The following KCNIP3 variants were observed in gnomAD, a reference collection of about 807,000 sequenced individuals.
The protein encoded by KCNIP3 is potassium voltage-gated channel interacting protein 3.
KCNIP3 carries 28 observed loss-of-function variants against 35.0 expected under a neutral mutation model. The ratio of observed to expected loss-of-function variants is 0.80; its 90% CI spans 0.59 to 1.10. The LOEUF (loss-of-function observed/expected upper bound fraction) is 1.10. KCNIP3 is among the 50% of genes least tolerant of loss of function. The pLI is 0.00. For synonymous variants in KCNIP3, 134 were observed against 133.8 expected (o/e 1.00, Z -0.01); for missense variants, 295 against 338.4 (o/e 0.87, Z 1.01).
In KCNIP3 at chr2:95,383,239, A is replaced by C. The variant is rs1205562718; in HGVS notation, c.668A>C (p.Asp223Ala). The change falls in exon 8 of 9, where the codon GAC becomes GCC. Residue 223 changes from aspartate (D) to alanine (A), a missense_variant. Asp to Ala is a moderately radical substitution (Grantham distance 126, BLOSUM62 -2). Coordinates refer to ENST00000295225, the MANE Select transcript of KCNIP3 (RefSeq NM_013434.5). ...GCATGGCTTGGGTTGCAGAAAATGG[A>C]CCGGAACCAGGATGGGGTAGTGACC... The part of the protein sequence containing the change: ...EHVERFFEKM[D>A]RNQDGVVTIE... 1 of 1,612,510 alleles carries C rather than the reference A, an allele frequency of 6.2e-7. No homozygotes were observed. Among genetic ancestry groups the C allele is most frequent in the Admixed American group, 1.7e-5 (1 of 59,896 alleles).
chr2:95,352,233 A>T (rs563154207), intron 2 of KCNIP3, among the ~76,000 whole-genome samples: 1 of 152,180 alleles, frequency 6.6e-6, no homozygotes, highest in Non-Finnish European at 1.5e-5. Context: ...CAGCCTGGGC[A>T]ACAGAGCAAG....
At chr2:95,356,642 A>C (rs1173053644) in intron 2 of KCNIP3, among the ~76,000 whole-genome samples, 2 of 152,136 alleles carry the variant, frequency 1.3e-5, no homozygotes, top group African/African-American at 4.8e-5. Flanking sequence ...CAGGTTTGTC[A>C]AAGATCAGAT....
At chr2:95,304,536 C>T (rs1678123163) in intron 1 of KCNIP3, among the ~76,000 whole-genome samples, 1 of 152,114 alleles carries the variant, frequency 6.6e-6, no homozygotes, top group Non-Finnish European at 1.5e-5. Flanking sequence ...GGCCAAAGCC[C>T]CCAGGACGCA....
At chr2:95,323,884 C>T (rs1296093375) in intron 2 of KCNIP3, among the ~76,000 whole-genome samples, 1 of 152,198 alleles carries the variant, frequency 6.6e-6, no homozygotes, top group East Asian at 1.9e-4. Context: ...GAAGACCTGT[C>T]CTCCTGTATG....
intron 2 of KCNIP3, among the ~76,000 whole-genome samples, chr2:95,320,479 G>A (rs1233087294): frequency 6.6e-6 from 1 of 152,084 alleles, no homozygotes; most frequent in Non-Finnish European, 1.5e-5. Flanking sequence ...ACCTGCCCAA[G>A]GCCGCCACCC....
intron 2 of KCNIP3, chr2:95,313,672 C>T (rs1375251358): frequency 6.6e-6 from 1 of 152,294 alleles, no homozygotes; most frequent in Non-Finnish European, 1.5e-5. Flanking sequence ...TGGGTTTCTT[C>T]AACTGGAATA....
intron 2 of KCNIP3, among the ~76,000 whole-genome samples, chr2:95,371,861 A>C (rs537297445): frequency 6.7e-6 from 1 of 149,170 alleles, no homozygotes; most frequent in African/African-American, 2.5e-5. Flanking sequence ...CTGGAGTGTA[A>C]TGGCGCGATC....
intron 7 of KCNIP3, among the ~76,000 whole-genome samples, chr2:95,383,006 G>A (rs1680385606): frequency 6.6e-6 from 1 of 152,188 alleles, no homozygotes; most frequent in Non-Finnish European, 1.5e-5. Flanking sequence ...GGGAGCAGTG[G>A]GGAGATGCTT....
At chr2:95,332,746 C>T (rs1180055646) in intron 2 of KCNIP3, among the ~76,000 whole-genome samples, 1 of 152,158 alleles carries the variant, frequency 6.6e-6, no homozygotes, top group African/African-American at 2.4e-5. Context: ...TTACTATACA[C>T]CCTTTATATT....
chr2:95,337,587 T>G (rs1679089986), intron 2 of KCNIP3, among the ~76,000 whole-genome samples: 1 of 152,236 alleles, frequency 6.6e-6, no homozygotes, highest in Admixed American at 6.5e-5. Flanking sequence ...CAAGGCTTTA[T>G]TCTAAAGTGC....
chr2:95,347,212 G>A, intron 2 of KCNIP3: 2 of 1,180,276 alleles, frequency 1.7e-6, no homozygotes, highest in Non-Finnish European at 2.4e-6. Flanking sequence ...GGGGTGCACT[G>A]GTCTGGCGAG....
At chr2:95,379,964 C>T (rs879631607) in intron 5 of KCNIP3, among the ~76,000 whole-genome samples, 1 of 152,190 alleles carries the variant, frequency 6.6e-6, no homozygotes, top group Non-Finnish European at 1.5e-5. Context: ...TCTCTGCTTC[C>T]ATTCTGGGAA....
At chr2:95,342,920 A>G (rs1192356753) in intron 2 of KCNIP3, among the ~76,000 whole-genome samples, 1 of 152,196 alleles carries the variant, frequency 6.6e-6, no homozygotes, top group Non-Finnish European at 1.5e-5. Flanking sequence ...CACACAGGCA[A>G]ACATGGCCAT....
chr2:95,347,462 G>GACAGGTGGTGGTCCTTGT (rs1181025811), intron 2 of KCNIP3, among the ~76,000 whole-genome samples: 1 of 152,180 alleles, frequency 6.6e-6, no homozygotes, highest in Non-Finnish European at 1.5e-5. Flanking sequence ...GGGTGCAGAT[G>GACAGGTGGTGGTCCTTGT]ACAGGAAGGA....
Position 95,378,814 on chromosome 2 carries a change from A to G in KCNIP3, c.448-2782A>G, listed in dbSNP as rs1280862376. Among the ~76,000 whole-genome samples the G allele has an allele frequency of 6.6e-6, 1 of 151,708 alleles. No homozygotes were observed. Among genetic ancestry groups the G allele is most frequent in the Admixed American group, 6.6e-5 (1 of 15,192 alleles). On this transcript the variant is annotated intron_variant, in intron 5 of 8. Coordinates refer to ENST00000295225, the MANE Select transcript of KCNIP3 (RefSeq NM_013434.5). This position sits in a 1 kb window ranked among gnomAD's most constrained non-coding sequence, Gnocchi z 4.0. The stretch of plus-strand genomic sequence containing the variant: ...CACACACATATATATATATACACAC[A>G]CACACACATATATACACACATATTT...
At chr2:95,379,721 C>T (rs1680290119) in intron 5 of KCNIP3, among the ~76,000 whole-genome samples, 2 of 152,188 alleles carry the variant, frequency 1.3e-5, no homozygotes, top group South Asian at 2.1e-4. Flanking sequence ...AGTTGGGGGT[C>T]GCTTCGTTCC....
At chr2:95,355,872 T>G (rs1398584694) in intron 2 of KCNIP3, among the ~76,000 whole-genome samples, 1 of 152,204 alleles carries the variant, frequency 6.6e-6, no homozygotes, top group Non-Finnish European at 1.5e-5. Flanking sequence ...GTAATGGGAT[T>G]GCTGGGTCAA....
chr2:95,298,528 A>G (rs1349659491), intron 1 of KCNIP3, among the ~76,000 whole-genome samples: 5 of 152,030 alleles, frequency 3.3e-5, no homozygotes, highest in Non-Finnish European at 5.9e-5. Context: ...AAGAAGGGAT[A>G]TGGGGTTGGC....
intron 5 of KCNIP3, among the ~76,000 whole-genome samples, chr2:95,379,529 G>A (rs1382215330): frequency 2.6e-5 from 4 of 152,212 alleles, no homozygotes. Flanking sequence ...TCCCTGATCT[G>A]CCTTTCTCTT....
Sources: gnomAD v4.1 joint callset for allele counts (sites outside exome capture counted in the v4.1 genomes callset) on GRCh38, gnomAD v4.1.1 for gene constraint, Gnocchi (gnomAD v3.1) non-coding constraint, MANE v1.5 for transcripts, NCBI Gene and HGNC (gene_info 2026-07-23, HGNC 2026-07-21) for gene names.